The following MRPL42 variants were observed in gnomAD, a reference collection of about 807,000 sequenced individuals.
The protein encoded by MRPL42 is large ribosomal subunit protein mL42.
A neutral mutation model predicts 17.9 loss-of-function variants in MRPL42; 17 were observed. The observed-to-expected ratio is 0.95, with a 90% CI of 0.65 to 1.42. The LOEUF is 1.42. MRPL42 is among the 40% of genes most tolerant of loss of function. The pLI is 0.00. For missense variants in MRPL42, 177 were observed against 175.2 expected (o/e 1.01, Z -0.06); for synonymous variants, 59 against 54.4 (o/e 1.08, Z -0.37).
rs1166953786 is a variant in MRPL42 at position 93,507,717 on chromosome 12, C to G, written c.*6496C>G. On this transcript the variant is annotated 3_prime_UTR_variant, in exon 6 of 6. Transcript: ENST00000549982. The stretch of plus-strand genomic sequence containing the variant: ...GTCCTAGATGGTGTCACTCATATGT[C>G]TGGTATTGAGTGACTGTCACCTGGG... 6.6e-6 allele frequency: 1 copy of G among 152,256 alleles called. No individual in the cohort carries two copies. Among genetic ancestry groups the G allele is most frequent in the Non-Finnish European group, 1.5e-5 (1 of 68,106 alleles). 9.4% of individuals were successfully genotyped at this position (152,256 alleles called of 1,614,324 possible).
chr12:93,484,975 C>CATATATATATATACATATATATATAT (rs1565813718), intron 4 of MRPL42, among the ~76,000 whole-genome samples: 2 of 23,170 alleles, frequency 8.6e-5, no homozygotes, highest in Non-Finnish European at 9.9e-5. Flanking sequence ...CACACACACA[C>CATATATATATATACATATATATATAT]ACACATATAT....
In MRPL42 at chr12:93,505,671, AT is replaced by A. The variant is rs1249019325; in HGVS notation, c.*4451del. On this transcript the variant is annotated 3_prime_UTR_variant, in exon 6 of 6. Coordinates refer to ENST00000549982, the MANE Select transcript of MRPL42 (RefSeq NM_014050.4). ...AATATTTTGAATGCACTGGGAAGGA[AT>A]ACTCAGGAACAATATGTAATGTGCT... 6.6e-6 allele frequency: 1 copy of A among 152,198 alleles called. No individual in the cohort carries two copies. The highest frequency in any genetic ancestry group is 1.5e-5 in the Non-Finnish European group (1 of 68,032). The allele number at this position is 152,198 out of a possible 1,614,324, so 9.4% of individuals were successfully genotyped here.
In MRPL42 at chr12:93,511,433, T is replaced by C. The variant is rs369744306; in HGVS notation, c.*10212T>C. The C allele has an allele frequency of 7.2e-5, 11 of 152,206 alleles. No homozygotes were observed. Among genetic ancestry groups the C allele is most frequent in the African/African-American group, 1.4e-4 (6 of 41,462 alleles). 9.4% of individuals were successfully genotyped at this position (152,206 alleles called of 1,614,324 possible). On this transcript the variant is annotated 3_prime_UTR_variant, in exon 6 of 6. Coordinates refer to ENST00000549982, the MANE Select transcript of MRPL42 (RefSeq NM_014050.4). ...AAATGCAATTAAGACAATAATCTTA[T>C]ATATAGACAATAATTGTCTTAATAA...
chr12:93,488,906 A>G (rs1305276834), intron 5 of MRPL42, among the ~76,000 whole-genome samples: 14 of 149,366 alleles, frequency 9.4e-5, no homozygotes, highest in Non-Finnish European at 1.5e-5. Flanking sequence ...ACCCAGGCTG[A>G]TCTTGAACTC....
chr12:93,482,228 G>A (rs556664394), intron 4 of MRPL42, among the ~76,000 whole-genome samples: 13 of 152,064 alleles, frequency 8.5e-5, no homozygotes, highest in Non-Finnish European at 1.8e-4. Flanking sequence ...TTTCCTTAAG[G>A]TCTTTTTCCT....
intron 4 of MRPL42, 114 bp from the exon 5 acceptor site, chr12:93,487,383 C>A: frequency 1.1e-6 from 1 of 918,150 alleles, no homozygotes; most frequent in Non-Finnish European, 1.6e-6. Context: ...TATTTGCCCA[C>A]CCTAAAGTAC....
In MRPL42 at chr12:93,506,167, A is replaced by T. The variant is rs1269759914; in HGVS notation, c.*4946A>T. ...GGTCTTGAACTCCTGACCTCAGGTG[A>T]TCTGCCCACCTTGGCCCCCCAAAAT... On this transcript the variant is annotated 3_prime_UTR_variant, in exon 6 of 6. Transcript: ENST00000549982. 6.6e-6 allele frequency: 1 copy of T among 150,514 alleles called. No individual in the cohort carries two copies. Among genetic ancestry groups the T allele is most frequent in the Non-Finnish European group, 1.5e-5 (1 of 67,992 alleles). 9.3% of individuals were successfully genotyped at this position (150,514 alleles called of 1,614,324 possible).
chr12:93,495,379 A>G (rs924990763), intron 5 of MRPL42, among the ~76,000 whole-genome samples: 2 of 151,906 alleles, frequency 1.3e-5, no homozygotes, highest in African/African-American at 4.8e-5. Context: ...GCATACTACC[A>G]TACCTGGCTG....
rs1469670593 is a variant in MRPL42 at position 93,506,668 on chromosome 12, C to T, written c.*5447C>T. Reference sequence around the variant, plus strand: ...AAGCCACTGTGGGTTCAAAGATAGCCCTCATTCCTGATTGACAAAGTATCT... The same window carrying T: ...AAGCCACTGTGGGTTCAAAGATAGCTCTCATTCCTGATTGACAAAGTATCT... On this transcript the variant is annotated 3_prime_UTR_variant, in exon 6 of 6. Transcript: ENST00000549982. The T allele has an allele frequency of 6.6e-6, 1 of 152,100 alleles. No homozygotes were observed. Among genetic ancestry groups the T allele is most frequent in the Non-Finnish European group, 1.5e-5 (1 of 68,030 alleles). 9.4% of individuals were successfully genotyped at this position (152,100 alleles called of 1,614,324 possible).
intron 2 of MRPL42, among the ~76,000 whole-genome samples, chr12:93,475,958 G>A (rs1880151234): frequency 6.6e-6 from 1 of 152,026 alleles, no homozygotes; most frequent in African/African-American, 2.4e-5. Context: ...TCCAGCCTGG[G>A]AGACAGAGCA....
At chr12:93,468,873 G>A (rs1396554984) in intron 1 of MRPL42, among the ~76,000 whole-genome samples, 3 of 152,088 alleles carry the variant, frequency 2.0e-5, no homozygotes, top group Non-Finnish European at 4.4e-5. Flanking sequence ...TGAATACTCT[G>A]TGTACCATTT....
rs1953755674 is a variant in MRPL42 at position 93,514,173 on chromosome 12, C to T, written c.*12952C>T. The T allele has an allele frequency of 6.6e-6, 1 of 151,980 alleles. No homozygotes were observed. Among genetic ancestry groups the T allele is most frequent in the Non-Finnish European group, 1.5e-5 (1 of 68,046 alleles). The allele number at this position is 151,980 out of a possible 1,614,324, so 9.4% of individuals were successfully genotyped here. A position where few individuals can be genotyped will look rare whatever the true frequency, so the allele number is the denominator to read the frequency against. On this transcript the variant is annotated 3_prime_UTR_variant, in exon 6 of 6. Coordinates refer to ENST00000549982, the MANE Select transcript of MRPL42 (RefSeq NM_014050.4). ...CAACTCCTGTTTTATAGTGTACTTT[C>T]TGGAATATTATTCAGCTTTCTCTTG...
At chr12:93,469,419 G>A (rs963059812) in intron 2 of MRPL42, 64 bp downstream of exon 2, 42 of 1,270,280 alleles carry the variant, frequency 3.3e-5, no homozygotes, top group Non-Finnish European at 4.2e-5. Context: ...AAAATTTAAA[G>A]CATTTAGTTA....
chr12:93,487,728 A>G (rs896633305), intron 5 of MRPL42, 68 bp downstream of exon 5: 10 of 1,357,354 alleles, frequency 7.4e-6, no homozygotes, highest in Non-Finnish European at 9.0e-6. Flanking sequence ...TTTTCTTGCA[A>G]TAACAAACTT....
Position 93,510,794 on chromosome 12 carries a change from ATTTC to A in MRPL42, c.*9577_*9580del, listed in dbSNP as rs1270037526. ...TTCTTCTTATGATTGAAGTTATAAT[ATTTC>A]TTTAAATATTTTGGATAAATCTTTT... On this transcript the variant is annotated 3_prime_UTR_variant, in exon 6 of 6. Coordinates refer to ENST00000549982, the MANE Select transcript of MRPL42 (RefSeq NM_014050.4). 6.6e-6 allele frequency: 1 copy of A among 152,188 alleles called. No homozygotes were observed. Among genetic ancestry groups the A allele is most frequent in the Non-Finnish European group, 1.5e-5 (1 of 68,034 alleles). 9.4% of individuals were successfully genotyped at this position (152,188 alleles called of 1,614,324 possible). A position where few individuals can be genotyped will look rare whatever the true frequency, so the allele number is the denominator to read the frequency against.
intron 4 of MRPL42, among the ~76,000 whole-genome samples, chr12:93,485,255 C>G (rs972268967): frequency 4.7e-5 from 7 of 149,572 alleles, no homozygotes; most frequent in African/African-American, 1.7e-4. Flanking sequence ...CTCAGCTTCC[C>G]AGGCTTAAGT....
intron 5 of MRPL42, among the ~76,000 whole-genome samples, chr12:93,488,101 G>T (rs920193099): frequency 6.6e-6 from 1 of 152,094 alleles, no homozygotes; most frequent in African/African-American, 2.4e-5. Context: ...CTCCTGAGTA[G>T]CTGGGACTAC....
intron 5 of MRPL42, among the ~76,000 whole-genome samples, chr12:93,495,058 G>T (rs1317459334): frequency 6.6e-6 from 1 of 152,132 alleles, no homozygotes; most frequent in African/African-American, 2.4e-5. Flanking sequence ...CTGTGATCTG[G>T]TGTGGTAACC....
At chr12:93,476,567 G>A (rs368525678) in intron 2 of MRPL42, among the ~76,000 whole-genome samples, 1 of 152,136 alleles carries the variant, frequency 6.6e-6, no homozygotes, top group African/African-American at 2.4e-5. Context: ...CACTCTGCTA[G>A]AAACATTGTT....
Sources: gnomAD v4.1 joint callset for allele counts (sites outside exome capture counted in the v4.1 genomes callset) on GRCh38, gnomAD v4.1.1 for gene constraint, MANE v1.5 for transcripts, NCBI Gene and HGNC (gene_info 2026-07-23, HGNC 2026-07-21) for gene names.